DNAH1: variants seen among roughly 807,000 people sequenced by gnomAD.
DNAH1 encodes axonemal beta dynein heavy chain 1.
A neutral mutation model predicts 484.3 loss-of-function variants in DNAH1; 327 were observed. The ratio of observed to expected loss-of-function variants is 0.68; its 90% CI spans 0.62 to 0.74. The LOEUF (loss-of-function observed/expected upper bound fraction) is 0.74, where lower values mean the gene tolerates loss of function less well. Among genes scored for constraint, DNAH1 ranks in the 30% least tolerant of loss-of-function variants. The probability of loss-of-function intolerance (pLI) is 0.00; values close to 1 mark genes in which losing one functional copy is unlikely to be tolerated. For synonymous variants in DNAH1, 2,192 were observed against 2,191.9 expected (o/e 1.00, Z 0.00); for missense variants, 5,052 against 5,546.8 (o/e 0.91, Z 2.83).
chr3:52,360,110 G>A (rs770596174), intron 27 of DNAH1, 31 bp downstream of exon 27: 2 of 1,613,088 alleles, frequency 1.2e-6, no homozygotes, highest in Non-Finnish European at 1.7e-6. Flanking sequence ...CCCAGGGCCA[G>A]AGCAGCTGCC....
At position 52,399,189 on chromosome 3, in the gene DNAH1, C is replaced by T; in HGVS notation, c.12429C>T (p.Ser4143=). The change falls in exon 76 of 78, where the codon TCC becomes TCT. Residue 4143 remains serine (S), a synonymous_variant. Transcript: ENST00000420323. The part of the protein sequence containing the change: ...RKFVISIDTI[S]FDFKVMFEAP... ...TTGTCATCTCCATTGACACCATCTCCTTTGATTTCAAGGTCTGGGCACAGC... is the reference window on the plus strand; with the variant it reads ...TTGTCATCTCCATTGACACCATCTCTTTTGATTTCAAGGTCTGGGCACAGC... 6.2e-7 allele frequency: 1 copy of T among 1,608,294 alleles called. No homozygotes were observed. The highest frequency in any genetic ancestry group is 1.1e-5 in the South Asian group (1 of 90,290).
At chr3:52,352,999 A>T in intron 18 of DNAH1, 104 bp from the exon 19 acceptor site, 2 of 1,213,438 alleles carry the variant, frequency 1.6e-6, no homozygotes, top group Admixed American at 2.6e-5. Flanking sequence ...GACATCAGCC[A>T]GGAGCAAGGG....
intron 44 of DNAH1, chr3:52,374,776 A>G: frequency 9.2e-7 from 1 of 1,086,104 alleles, no homozygotes; most frequent in Admixed American, 1.7e-5. Context: ...AAGCTGTTTG[A>G]TGACTGTACA....
rs1704821794 is a variant in DNAH1 at position 52,399,737 on chromosome 3, G to C, written c.12634G>C (p.Asp4212His). 1 of 1,613,894 alleles carries C rather than the reference G, an allele frequency of 6.2e-7. No homozygotes were observed. The highest frequency in any genetic ancestry group is 1.1e-5 in the South Asian group (1 of 91,088). The stretch of plus-strand genomic sequence containing the variant: ...ACCCAACCGCAAGGCCCAGGACCAG[G>C]ACTTTTACCTGTGCCCCATCTACAA... ...PTPNRKAQDQ[D>H]FYLCPIYKTL... Residue 4212 changes from aspartate to histidine, a missense_variant, in exon 77 of 78, where the codon GAC becomes CAC. Transcript: ENST00000420323.
In DNAH1 at chr3:52,362,351, C is replaced by T; in HGVS notation, c.4981-37C>T. ...TCAGAGGAGGGGACAAGGCTGGGCA[C>T]CCTAGTCCCAGGCAAGTCAGCCTCT... On this transcript the variant is annotated intron_variant, in intron 30 of 77. Coordinates refer to ENST00000420323, the MANE Select transcript of DNAH1 (RefSeq NM_015512.5). The surrounding 1 kb of genome is among the most constrained non-coding windows in gnomAD (Gnocchi z 5.1). The T allele has an allele frequency of 1.9e-6, 3 of 1,574,200 alleles. No homozygotes were observed. Among genetic ancestry groups the T allele is most frequent in the Non-Finnish European group, 2.6e-6 (3 of 1,150,390 alleles).
chr3:52,398,948 C>G lies in DNAH1; in HGVS notation c.12188C>G (p.Ala4063Gly). ...VVMSSQLELM[A>G]ASLYNNTVPE... ...ATGTCCTCTCAGCTGGAGCTGATGG[C>G]TGCCAGCCTGTACAACAATACTGTG... Residue 4063 changes from alanine to glycine, a missense_variant, in exon 76 of 78, where the codon GCT (alanine) becomes GGT (glycine). Ala to Gly is a moderately conservative substitution (Grantham distance 60). Coordinates refer to ENST00000420323, the MANE Select transcript of DNAH1 (RefSeq NM_015512.5). 6.2e-7 allele frequency: 1 copy of G among 1,613,678 alleles called. No individual in the cohort carries two copies. The highest frequency in any genetic ancestry group is 8.5e-7 in the Non-Finnish European group (1 of 1,179,672).
At chr3:52,393,168 A>G in intron 65 of DNAH1, 143 bp downstream of exon 65, 2 of 1,416,772 alleles carry the variant, frequency 1.4e-6, no homozygotes, top group Non-Finnish European at 1.9e-6. Context: ...GAATGCACAC[A>G]GCACGCCTAC....
intron 67 of DNAH1, 96 bp from the exon 68 acceptor site, chr3:52,394,819 C>T (rs1704547093): frequency 6.6e-7 from 1 of 1,515,332 alleles, no homozygotes; most frequent in Non-Finnish European, 8.9e-7. Flanking sequence ...CCTGGGATAG[C>T]CCACTCTCCC....
intron 44 of DNAH1, chr3:52,374,023 GA>G: frequency 2.9e-6 from 3 of 1,026,042 alleles, no homozygotes; most frequent in Non-Finnish European, 4.6e-6. Context: ...CTAATATAGC[GA>G]AGAAATATAT....
At chr3:52,383,803 G>A (rs551964717) in intron 51 of DNAH1, 57 bp from the exon 52 acceptor site, 3 of 1,521,238 alleles carry the variant, frequency 2.0e-6, no homozygotes, top group African/African-American at 2.8e-5. Context: ...TGGGTCCTGG[G>A]CTCCTGGGGT....
intron 53 of DNAH1, 31 bp from the exon 54 acceptor site, chr3:52,385,306 C>T (rs1704052376): frequency 6.5e-7 from 1 of 1,544,544 alleles, no homozygotes; most frequent in Non-Finnish European, 8.8e-7. Flanking sequence ...CCCTGCCACA[C>T]CTGTTTTCCT....
In DNAH1 at chr3:52,395,750, TAA is replaced by T; in HGVS notation, c.11259+73_11259+74del. 6.5e-7 allele frequency: 1 copy of T among 1,548,216 alleles called. No homozygotes were observed. Among genetic ancestry groups the T allele is most frequent in the Non-Finnish European group, 8.8e-7 (1 of 1,142,184 alleles). ...CCATCAGGGACTAATGAGGCAGAAATAAGAGAATCATGCCAAGCACTCTGCCC... is the reference window on the plus strand; with the variant it reads ...CCATCAGGGACTAATGAGGCAGAAATGAGAATCATGCCAAGCACTCTGCCC... On this transcript the variant is annotated intron_variant, in intron 70 of 77. Transcript: ENST00000420323. This position sits in a 1 kb window ranked among gnomAD's most constrained non-coding sequence, Gnocchi z 4.4.
At chr3:52,357,009 T>G (rs1348355551) in intron 22 of DNAH1, among the ~76,000 whole-genome samples, 3 of 151,324 alleles carry the variant, frequency 2.0e-5, no homozygotes, top group Non-Finnish European at 4.4e-5. Context: ...ATATTAACGT[T>G]TTTTTTTTGT....
intron 74 of DNAH1, 67 bp downstream of exon 74, chr3:52,397,944 CCT>C: frequency 1.3e-6 from 2 of 1,577,430 alleles, no homozygotes; most frequent in Non-Finnish European, 1.7e-6. Context: ...TGCCCACTCC[CCT>C]GTGGGAAGGA....
rs562359876 is a variant in DNAH1 at position 52,383,661 on chromosome 3, G to A, written c.8150+67G>A. 1.0e-5 allele frequency: 15 copies of A among 1,467,402 alleles called. No homozygotes were observed. The African/African-American group carries it at 2.1e-4, about 21-fold the overall frequency. 90.9% of individuals were successfully genotyped at this position (1,467,402 alleles called of 1,614,324 possible). ...TGGGTGTGTACATGGGCTGGCCCCGGGGACACTGGATGCCATGCGCTGGGG... is the reference window on the plus strand; with the variant it reads ...TGGGTGTGTACATGGGCTGGCCCCGAGGACACTGGATGCCATGCGCTGGGG... On this transcript the variant is annotated intron_variant, in intron 51 of 77. Coordinates refer to ENST00000420323, the MANE Select transcript of DNAH1 (RefSeq NM_015512.5).
In DNAH1 at chr3:52,386,683, C is replaced by G. The variant is rs1341543218; in HGVS notation, c.8833C>G (p.Pro2945Ala). Residue 2945 changes from proline to alanine, a missense_variant, in exon 56 of 78, where the codon CCC becomes GCC. This residue lies in a region of DNAH1 where 2,929 missense variants were observed against 3,409.4 expected (regional missense o/e 0.86). Transcript: ENST00000420323. ...VTEVRAMQRP[P>A]PGVKLVIEAV... Reference sequence around the variant, plus strand: ...GCAGGTACGTGCCATGCAGCGGCCACCCCCGGGTGTGAAACTGGTCATAGA... The same window carrying G: ...GCAGGTACGTGCCATGCAGCGGCCAGCCCCGGGTGTGAAACTGGTCATAGA... 6.3e-7 allele frequency: 1 copy of G among 1,587,278 alleles called. No homozygotes were observed. Among genetic ancestry groups the G allele is most frequent in the Non-Finnish European group, 8.6e-7 (1 of 1,167,300 alleles).
rs768665965 is a variant in DNAH1, at chr3:52,388,889, C to T, written c.9447C>T (p.Gly3149=). The T allele has an allele frequency of 5.6e-6, 9 of 1,612,904 alleles. No homozygotes were observed. The African/African-American group carries it at 6.7e-5, about 12-fold the overall frequency. The change falls in exon 59 of 78, where the codon GGC becomes GGT. Residue 3149 remains glycine, a synonymous_variant. Transcript: ENST00000420323. ...AGTACATGCTCAACAACATCTCCGG[C>T]GATGTCCTGGTGGCCGCTGGCTTTG... ...NLQYMLNNIS[G]DVLVAAGFVA... is the part of the protein sequence containing the mutation.
intron 9 of DNAH1, 109 bp from the exon 10 acceptor site, chr3:52,345,385 AG>A: frequency 5.5e-6 from 5 of 905,914 alleles, no homozygotes; most frequent in Non-Finnish European, 8.5e-6. Context: ...GTCACTCTTC[AG>A]GGAGAAGGCA....
intron 43 of DNAH1, 28 bp downstream of exon 43, chr3:52,372,415 C>T (rs1400461518): frequency 6.2e-7 from 1 of 1,610,258 alleles, no homozygotes; most frequent in Non-Finnish European, 8.5e-7. Flanking sequence ...CCTTCCTCAC[C>T]CCTGCATCCT....
Sources: allele counts gnomAD v4.1 joint callset (sites outside exome capture counted in the v4.1 genomes callset), GRCh38; gene constraint gnomAD v4.1.1; regional missense constraint gnomAD v4.1.1; non-coding constraint Gnocchi (gnomAD v3.1); transcripts MANE v1.5; gene names NCBI Gene and HGNC (gene_info 2026-07-23, HGNC 2026-07-21).